The following CHRNA9 variants were observed in gnomAD, a reference collection of about 807,000 sequenced individuals.
The protein encoded by CHRNA9 is cholinergic receptor nicotinic alpha 9 subunit.
In CHRNA9, 24 loss-of-function variants were observed where a neutral mutation model predicts 36.8. That is an observed-to-expected ratio of 0.65 (90% CI 0.47 to 0.92). CHRNA9 has a LOEUF of 0.92. Ranked by LOEUF, CHRNA9 falls within the 40% of genes least tolerant of loss-of-function variation. The probability of loss-of-function intolerance (pLI) is 0.00; values close to 1 mark genes in which losing one functional copy is unlikely to be tolerated. For synonymous variants in CHRNA9, 231 were observed against 231.8 expected (o/e 1.00, Z 0.03); for missense variants, 610 against 601.2 (o/e 1.01, Z -0.15).
Position 40,335,516 on chromosome 4 carries a change from G to A in CHRNA9, c.49G>A (p.Ala17Thr), listed in dbSNP as rs1306055889. 1 of 1,612,832 alleles carries A rather than the reference G, an allele frequency of 6.2e-7. No homozygotes were observed. Among genetic ancestry groups the A allele is most frequent in the African/African-American group, 1.3e-5 (1 of 74,926 alleles). Residue 17 changes from alanine to threonine, a missense_variant, in exon 1 of 5, where the codon GCT becomes ACT. Physicochemically the swap from Ala to Thr is moderately conservative, Grantham distance 58. Coordinates refer to ENST00000310169, the MANE Select transcript of CHRNA9 (RefSeq NM_017581.4). ...CTCCTTTTGCTGGATCTACTTTGCT[G>A]CTTCCAGACTGAGAGGTGAGAGGCT... ...CISFCWIYFA[A>T]SRLRAAETAD...
intron 3 of CHRNA9, among the ~76,000 whole-genome samples, chr4:40,340,480 AG>A (rs533359199): frequency 5.1e-4 from 77 of 152,262 alleles, no homozygotes; most frequent in African/African-American, 1.8e-3. Context: ...GATCAGGCAA[AG>A]AAGGGCCCTT....
intron 3 of CHRNA9, 104 bp from the exon 4 acceptor site, chr4:40,348,778 C>T (rs1712708155): frequency 9.1e-7 from 1 of 1,101,816 alleles, no homozygotes; most frequent in Non-Finnish European, 1.3e-6. Flanking sequence ...AATGGTGGTC[C>T]ATTGCCAAAA....
intron 2 of CHRNA9, among the ~76,000 whole-genome samples, chr4:40,336,934 C>T (rs1227449420): frequency 2.0e-5 from 3 of 152,096 alleles, no homozygotes; most frequent in Non-Finnish European, 2.9e-5. Flanking sequence ...ATTCATTGAT[C>T]AATTTTCAGG....
chr4:40,343,147 G>C (rs1712548191), intron 3 of CHRNA9, among the ~76,000 whole-genome samples: 1 of 152,160 alleles, frequency 6.6e-6, no homozygotes, highest in Non-Finnish European at 1.5e-5. Flanking sequence ...GCTTCTTACA[G>C]CCAAGGCTGG....
chr4:40,352,309 A>T (rs9968324), intron 4 of CHRNA9, among the ~76,000 whole-genome samples: 1 of 151,992 alleles, frequency 6.6e-6, no homozygotes, highest in Non-Finnish European at 1.5e-5. Context: ...GCAACCTCCG[A>T]CTCCTGGATT....
chr4:40,352,476 C>T (rs11929729), intron 4 of CHRNA9, among the ~76,000 whole-genome samples: 22,537 of 152,126 alleles, frequency 0.15, 3,617 homozygotes, highest in African/African-American at 0.4. Flanking sequence ...CCACCCACCT[C>T]GGCCTCCCAA....
chr4:40,349,471 T>C (rs1712735790), intron 4 of CHRNA9, 57 bp downstream of exon 4: 2 of 1,506,770 alleles, frequency 1.3e-6, no homozygotes, highest in Non-Finnish European at 1.8e-6. Flanking sequence ...GGGTCATGCC[T>C]TTAAGGTTGT....
intron 3 of CHRNA9, among the ~76,000 whole-genome samples, chr4:40,344,772 C>A (rs1391779424): frequency 3.3e-5 from 5 of 152,124 alleles, no homozygotes; most frequent in African/African-American, 1.2e-4. Context: ...AAGACCCAGT[C>A]TCTGACCTCA....
rs558024413 is a variant in CHRNA9 at position 40,336,319 on chromosome 4, C to T, written c.210+347C>T. On this transcript the variant is annotated intron_variant, in intron 2 of 4. Transcript: ENST00000310169. ...GGGTCTGTGGGGAGGACGGGGAAAACGGCCAGTGAGTTCTTAATGATTACG... is the reference window on the plus strand; with the variant it reads ...GGGTCTGTGGGGAGGACGGGGAAAATGGCCAGTGAGTTCTTAATGATTACG... Among the ~76,000 whole-genome samples, 54 of 152,124 alleles carry T rather than the reference C, an allele frequency of 3.5e-4. 1 individual carries two copies. The highest frequency in any genetic ancestry group is 1.2e-3 in the African/African-American group (50 of 41,494).
chr4:40,336,047 C>G, intron 2 of CHRNA9, 75 bp downstream of exon 2: 17 of 1,283,256 alleles, frequency 1.3e-5, no homozygotes, highest in Non-Finnish European at 1.9e-5. Flanking sequence ...AAGAGAATGT[C>G]TTAACTGGGA....
At chr4:40,337,815 C>T (rs916665801) in intron 3 of CHRNA9, among the ~76,000 whole-genome samples, 2 of 152,116 alleles carry the variant, frequency 1.3e-5, no homozygotes, top group African/African-American at 4.8e-5. Context: ...GTGTTCTTGG[C>T]ATTATAGAAG....
intron 3 of CHRNA9, among the ~76,000 whole-genome samples, chr4:40,342,783 G>A (rs1712533735): frequency 1.3e-5 from 2 of 152,162 alleles, no homozygotes; most frequent in South Asian, 4.1e-4. Context: ...GGGAGAAAAG[G>A]AGTTTGGCAG....
At chr4:40,336,045 G>A (rs949266274) in intron 2 of CHRNA9, 73 bp downstream of exon 2, 106 of 1,295,612 alleles carry the variant, frequency 8.2e-5, no homozygotes, top group Non-Finnish European at 1.2e-5. Context: ...TGAAGAGAAT[G>A]TCTTAACTGG....
At position 40,335,852 on chromosome 4, in the gene CHRNA9, T is replaced by C. The variant is rs148907815; in HGVS notation, c.90T>C (p.Tyr30=). The change falls in exon 2 of 5, where the codon TAT becomes TAC. Residue 30 remains tyrosine, a synonymous_variant. Transcript: ENST00000310169. ...CTGCAGAGACGGCAGATGGAAAATA[T>C]GCTCAGAAGTTGTTTAATGACCTTT... ...LRAAETADGK[Y]AQKLFNDLFE... The C allele has an allele frequency of 4.3e-6, 7 of 1,613,290 alleles. No individual in the cohort carries two copies. Among genetic ancestry groups the C allele is most frequent in the African/African-American group, 2.7e-5 (2 of 74,914 alleles).
At chr4:40,352,389 T>C (rs1022478165) in intron 4 of CHRNA9, among the ~76,000 whole-genome samples, 8 of 152,122 alleles carry the variant, frequency 5.3e-5, no homozygotes, top group Non-Finnish European at 1.0e-4. Context: ...ACCCAGCTAA[T>C]GTTTTTTATA....
At chr4:40,342,367 G>A (rs776742116) in intron 3 of CHRNA9, among the ~76,000 whole-genome samples, 17 of 152,196 alleles carry the variant, frequency 1.1e-4, no homozygotes, top group Non-Finnish European at 2.2e-4. Context: ...TGGAGAAACA[G>A]ATAGGGCTAA....
chr4:40,353,355 G>A lies in CHRNA9; in HGVS notation c.899-624G>A, dbSNP rs567473782. Among the ~76,000 whole-genome samples, 52 of 152,270 alleles carry A rather than the reference G, an allele frequency of 3.4e-4. No individual in the cohort carries two copies. The South Asian group carries it at 1.0e-2, about 29-fold the overall frequency. ...AAAATACAAAAATTAGCCGGGCGTAGTGGTGGGCGCCTGTAATCCCAGCTA... is the reference window on the plus strand; with the variant it reads ...AAAATACAAAAATTAGCCGGGCGTAATGGTGGGCGCCTGTAATCCCAGCTA... On this transcript the variant is annotated intron_variant, in intron 4 of 4. Coordinates refer to ENST00000310169, the MANE Select transcript of CHRNA9 (RefSeq NM_017581.4).
intron 3 of CHRNA9, among the ~76,000 whole-genome samples, chr4:40,342,920 C>T (rs1021979167): frequency 5.3e-5 from 8 of 151,972 alleles, no homozygotes; most frequent in Non-Finnish European, 1.2e-4. Context: ...GGAAGTTAGC[C>T]AGGAAGAGAG....
chr4:40,349,326 C>G lies in CHRNA9; in HGVS notation c.810C>G (p.Ser270=), dbSNP rs371497760. 1.4e-5 allele frequency: 22 copies of G among 1,613,966 alleles called. No homozygotes were observed. Among genetic ancestry groups the G allele is most frequent in the Non-Finnish European group, 1.8e-5 (21 of 1,179,996 alleles). Residue 270 remains serine, a synonymous_variant, in exon 4 of 5, where the codon TCC becomes TCG. Transcript: ENST00000310169. ...CAGCAGCCTCCGGAGAAAAGGTCTCCCTGGGAGTGACCATCCTGTTGGCCA... is the reference window on the plus strand; with the variant it reads ...CAGCAGCCTCCGGAGAAAAGGTCTCGCTGGGAGTGACCATCCTGTTGGCCA... ...YLPAASGEKV[S]LGVTILLAMT...
Sources: gnomAD v4.1 joint callset for allele counts (sites outside exome capture counted in the v4.1 genomes callset) on GRCh38, gnomAD v4.1.1 for gene constraint, MANE v1.5 for transcripts, NCBI Gene and HGNC (gene_info 2026-07-23, HGNC 2026-07-21) for gene names.